NLGN1: variants seen among roughly 807,000 people sequenced by gnomAD.
NLGN1 encodes neuroligin-1.
In NLGN1, 12 loss-of-function variants were observed where a neutral mutation model predicts 65.5. The observed-to-expected ratio is 0.18, with a 90% CI of 0.12 to 0.30. The LOEUF (loss-of-function observed/expected upper bound fraction) is 0.30. NLGN1 is among the 10% of genes least tolerant of loss of function. The pLI is 1.00. For synonymous variants in NLGN1, 350 were observed against 359.5 expected, an observed-to-expected ratio of 0.97 and a Z score of 0.30; for missense variants, 750 against 1,007.1, an observed-to-expected ratio of 0.74 and a Z score of 3.46.
chr3:173,643,839 A>T (rs1757790036), intron 3 of NLGN1, among the ~76,000 whole-genome samples: 2 of 152,286 alleles, frequency 1.3e-5, no homozygotes, highest in East Asian at 3.9e-4. Flanking sequence ...TTCCCAAATA[A>T]CTGGGAGTGT....
chr3:173,873,061 T>C (rs1286621789), intron 4 of NLGN1, among the ~76,000 whole-genome samples: 1 of 151,920 alleles, frequency 6.6e-6, no homozygotes, highest in East Asian at 1.9e-4. Flanking sequence ...AGTAACTACT[T>C]GCTAAATGCA....
At chr3:173,947,582 A>G (rs1747435885) in intron 4 of NLGN1, among the ~76,000 whole-genome samples, 1 of 152,238 alleles carries the variant, frequency 6.6e-6, no homozygotes, top group African/African-American at 2.4e-5. Flanking sequence ...ATGCACATGG[A>G]TTAATTTTAT....
At chr3:174,083,380 T>A (rs1371567588) in intron 4 of NLGN1, among the ~76,000 whole-genome samples, 1 of 152,084 alleles carries the variant, frequency 6.6e-6, no homozygotes, top group Non-Finnish European at 1.5e-5. Context: ...ATATATATAA[T>A]GAAACTAAAA....
intron 4 of NLGN1, among the ~76,000 whole-genome samples, chr3:174,225,967 A>T (rs921179692): frequency 6.6e-6 from 1 of 152,076 alleles, no homozygotes; most frequent in East Asian, 1.9e-4. Context: ...TAGCAGAAAG[A>T]TCTAATTTTA....
At position 173,405,640 on chromosome 3, in the gene NLGN1, CT is replaced by C. The variant is rs554492048; in HGVS notation, c.-390+7160del. On this transcript the variant is annotated intron_variant, in intron 1 of 6. Transcript: ENST00000457714. ...GTATGATTAAAATATAATCCTATCTCTTTTTTTCTCTATTTGCCCTCCAATT... is the reference window on the plus strand; with the variant it reads ...GTATGATTAAAATATAATCCTATCTCTTTTTTCTCTATTTGCCCTCCAATT... Among the ~76,000 whole-genome samples, 31 of 152,068 alleles carry C rather than the reference CT, an allele frequency of 2.0e-4. 1 individual carries two copies. The South Asian group carries it at 6.0e-3, about 30-fold the overall frequency.
chr3:173,688,030 T>C (rs1764927569), intron 3 of NLGN1, among the ~76,000 whole-genome samples: 1 of 152,340 alleles, frequency 6.6e-6, no homozygotes, highest in Non-Finnish European at 1.5e-5. Context: ...ATGCCTGATA[T>C]AATGGACATT....
In NLGN1 at chr3:174,042,220, T is replaced by C. The variant is rs149042908; in HGVS notation, c.647-233095T>C. Among the ~76,000 whole-genome samples the C allele has an allele frequency of 1.7e-4, 26 of 152,322 alleles. No individual in the cohort carries two copies. The East Asian group carries it at 3.1e-3, about 18-fold the overall frequency. ...GGTGTCTTTTGATGAGAAGAAGTTT[T>C]AATTTTGATGTATTATTTTTTTTCT... On this transcript the variant is annotated intron_variant, in intron 4 of 6. Coordinates refer to ENST00000457714, the Ensembl canonical transcript of NLGN1.
intron 2 of NLGN1, among the ~76,000 whole-genome samples, chr3:173,507,431 C>T (rs1732214314): frequency 1.3e-5 from 2 of 152,210 alleles, no homozygotes; most frequent in Non-Finnish European, 2.9e-5. Flanking sequence ...ATTTTCATTT[C>T]TCATGGTCAT....
At chr3:174,184,299 G>C (rs1169390266) in intron 4 of NLGN1, among the ~76,000 whole-genome samples, 1 of 151,810 alleles carries the variant, frequency 6.6e-6, no homozygotes, top group Non-Finnish European at 1.5e-5. Flanking sequence ...AAATTATTCA[G>C]TGTGTCAAAA....
At chr3:173,840,840 A>G (rs1316105701) in intron 4 of NLGN1, among the ~76,000 whole-genome samples, 1 of 152,118 alleles carries the variant, frequency 6.6e-6, no homozygotes, top group Non-Finnish European at 1.5e-5. Context: ...TTTGCCTCAA[A>G]AGCTTTTACT....
chr3:173,746,805 G>T (rs757858228), intron 3 of NLGN1, among the ~76,000 whole-genome samples: 2 of 151,892 alleles, frequency 1.3e-5, no homozygotes, highest in Non-Finnish European at 2.9e-5. Flanking sequence ...CACTTTGGGA[G>T]GCTGAGGCAA....
At chr3:174,054,508 A>G (rs991576441) in intron 4 of NLGN1, among the ~76,000 whole-genome samples, 1 of 151,936 alleles carries the variant, frequency 6.6e-6, no homozygotes, top group South Asian at 2.1e-4. Flanking sequence ...TTTATTCTCT[A>G]TTTTAGTTTC....
intron 2 of NLGN1, among the ~76,000 whole-genome samples, chr3:173,441,763 T>C (rs981216942): frequency 6.6e-6 from 1 of 152,174 alleles, no homozygotes; most frequent in Non-Finnish European, 1.5e-5. Flanking sequence ...GAGCACATGC[T>C]GTTGGGAAAA....
intron 4 of NLGN1, among the ~76,000 whole-genome samples, chr3:173,838,834 T>A (rs1724187519): frequency 6.6e-6 from 1 of 152,178 alleles, no homozygotes. Flanking sequence ...TATGTTTGGA[T>A]CCTGAGAATG....
At chr3:173,580,494 A>G (rs1746222750) in intron 2 of NLGN1, among the ~76,000 whole-genome samples, 1 of 151,960 alleles carries the variant, frequency 6.6e-6, no homozygotes, top group African/African-American at 2.4e-5. Flanking sequence ...TCATTAGAGA[A>G]TTTATTCTCT....
chr3:174,209,619 C>CTTTTTTTT (rs1184386254), intron 4 of NLGN1, among the ~76,000 whole-genome samples: 3 of 97,282 alleles, frequency 3.1e-5, no homozygotes, highest in African/African-American at 1.4e-4. Flanking sequence ...ATCAACCTTT[C>CTTTTTTTT]TTTCTTTTTT....
chr3:173,961,474 A>G (rs1346210575), intron 4 of NLGN1, among the ~76,000 whole-genome samples: 1 of 151,992 alleles, frequency 6.6e-6, no homozygotes, highest in African/African-American at 2.4e-5. Flanking sequence ...TTGTTTATGC[A>G]TATGGATTAT....
At chr3:174,016,397 T>C (rs1037850590) in intron 4 of NLGN1, among the ~76,000 whole-genome samples, 2 of 152,210 alleles carry the variant, frequency 1.3e-5, no homozygotes, top group African/African-American at 4.8e-5. Context: ...GAGTCATGGC[T>C]GATTCACACA....
intron 4 of NLGN1, among the ~76,000 whole-genome samples, chr3:173,994,794 G>A (rs1390083187): frequency 6.6e-6 from 1 of 152,116 alleles, no homozygotes; most frequent in South Asian, 2.1e-4. Flanking sequence ...AACACCATGA[G>A]CATTTTACAA....
Sources: gnomAD v4.1 joint callset for allele counts (sites outside exome capture counted in the v4.1 genomes callset) on GRCh38, gnomAD v4.1.1 for gene constraint, MANE v1.5 for transcripts, NCBI Gene and HGNC (gene_info 2026-07-23, HGNC 2026-07-21) for gene names.